Variants in CNTFR observed in about 807,000 individuals in gnomAD.
CNTFR encodes the protein ciliary neurotrophic factor receptor subunit alpha.
A neutral mutation model predicts 40.4 loss-of-function variants in CNTFR; 12 were observed. That is an observed-to-expected ratio of 0.30 (90% CI 0.19 to 0.48). The LOEUF (loss-of-function observed/expected upper bound fraction) is 0.48. Among genes scored for constraint, CNTFR ranks in the 20% least tolerant of loss-of-function variants. The probability of loss-of-function intolerance (pLI) is 0.99; values close to 1 mark genes in which losing one functional copy is unlikely to be tolerated. For synonymous variants in CNTFR, 202 were observed against 209.6 expected (o/e 0.96, Z 0.31); for missense variants, 414 against 506.8 (o/e 0.82, Z 1.76).
intron 2 of CNTFR, among the ~76,000 whole-genome samples, chr9:34,575,509 C>A (rs1163930585): frequency 6.6e-6 from 1 of 152,012 alleles, no homozygotes; most frequent in Non-Finnish European, 1.5e-5. Context: ...TCCGTGGAGA[C>A]AAGGATGGAT....
chr9:34,559,954 T>TCTG (rs1826004101), intron 4 of CNTFR, among the ~76,000 whole-genome samples: 1 of 151,870 alleles, frequency 6.6e-6, no homozygotes, highest in South Asian at 2.1e-4. Flanking sequence ...CTCACGCCAG[T>TCTG]TCCTCTCCCT....
rs551356970 is a variant in CNTFR at position 34,564,079 on chromosome 9, G to C, written c.319+520C>G. Among the ~76,000 whole-genome samples, 15 of 152,246 alleles carry C rather than the reference G, an allele frequency of 9.9e-5. No homozygotes were observed. The South Asian group carries it at 3.1e-3, about 32-fold the overall frequency. On this transcript the variant is annotated intron_variant, in intron 4 of 9. Coordinates refer to ENST00000378980, the MANE Select transcript of CNTFR (RefSeq NM_147164.3). ...TCTGCCAGAAATGATGTTTCAATGC[G>C]TCTTCTAAATCACCGTTCGCTTCCC...
Position 34,552,437 on chromosome 9 carries a change from TC to T in CNTFR, c.950-109del. 8.0e-7 allele frequency: 1 copy of T among 1,251,522 alleles called. No individual in the cohort carries two copies. Among genetic ancestry groups the T allele is most frequent in the Non-Finnish European group, 1.1e-6 (1 of 919,478 alleles). 77.5% of individuals were successfully genotyped at this position (1,251,522 alleles called of 1,614,324 possible). On this transcript the variant is annotated intron_variant, in intron 8 of 9. Transcript: ENST00000378980. The surrounding 1 kb of genome is among the most constrained non-coding windows in gnomAD (Gnocchi z 5.1). ...CTTCCTGCATCAGACTGGTACTGCC[TC>T]CCCCATCAGGCAGATCCTGTTTCCC...
intron 3 of CNTFR, among the ~76,000 whole-genome samples, chr9:34,566,214 G>A (rs1186907385): frequency 6.6e-6 from 1 of 152,036 alleles, no homozygotes; most frequent in Non-Finnish European, 1.5e-5. Context: ...GTCCCGGTTT[G>A]CTGCCTCTGT....
rs914591016 is a variant in CNTFR, at chr9:34,552,270, G to A, written c.1009C>T (p.Pro337Ser). The A allele has an allele frequency of 6.5e-7, 1 of 1,550,054 alleles. No individual in the cohort carries two copies. Among genetic ancestry groups the A allele is most frequent in the South Asian group, 1.2e-5 (1 of 84,326 alleles). Reference protein sequence around the residue: ...APPPTTKICDPGELGSGGGPS... With the variant: ...APPPTTKICDSGELGSGGGPS... Reference sequence around the variant, plus strand: ...CCCCCGCCGCTGCCCAGCTCCCCAGGGTCACAGATCTTCGTGGTAGGTGGG... The same window carrying A: ...CCCCCGCCGCTGCCCAGCTCCCCAGAGTCACAGATCTTCGTGGTAGGTGGG... Residue 337 changes from proline (P) to serine (S), a missense_variant, in exon 9 of 10, where the codon CCT (proline) becomes TCT (serine). Pro to Ser is a moderately conservative substitution (Grantham distance 74). Transcript: ENST00000378980. The surrounding 1 kb of genome is among the most constrained non-coding windows in gnomAD (Gnocchi z 5.1).
At chr9:34,571,725 G>A (rs1386411112) in intron 2 of CNTFR, among the ~76,000 whole-genome samples, 1 of 152,108 alleles carries the variant, frequency 6.6e-6, no homozygotes, top group Non-Finnish European at 1.5e-5. Context: ...AGTGAGTGCT[G>A]CAGAGTGGGG....
In CNTFR at chr9:34,552,234, G is replaced by C; in HGVS notation, c.1045C>G (p.Pro349Ala). Residue 349 changes from proline (P) to alanine (A), a missense_variant, in exon 9 of 10, where the codon CCC becomes GCC. By Grantham distance (27) the Pro-to-Ala change is conservative (BLOSUM62 -1). Around this residue, in one of 3 missense-constraint regions of CNTFR, gnomAD observed 81 missense variants for 92.2 expected, o/e 0.88. Transcript: ENST00000378980. The surrounding 1 kb of genome is among the most constrained non-coding windows in gnomAD (Gnocchi z 5.1). Reference sequence around the variant, plus strand: ...GTGATGGGGACGCTGACCAAGAAGGGTGCCGAGGGTCCCCCGCCGCTGCCC... The same window carrying C: ...GTGATGGGGACGCTGACCAAGAAGGCTGCCGAGGGTCCCCCGCCGCTGCCC... Reference protein sequence around the residue: ...ELGSGGGPSAPFLVSVPITLA... With the variant: ...ELGSGGGPSAAFLVSVPITLA... The C allele has an allele frequency of 6.4e-7, 1 of 1,560,546 alleles. No individual in the cohort carries two copies.
At chr9:34,554,704 A>G (rs1587118114) in intron 7 of CNTFR, among the ~76,000 whole-genome samples, 1 of 152,136 alleles carries the variant, frequency 6.6e-6, no homozygotes, top group East Asian at 1.9e-4. Flanking sequence ...GCAATTCCTG[A>G]TCTGTATTTT....
At chr9:34,590,700 C>A (rs997667191), upstream of CNTFR, among the ~76,000 whole-genome samples, 1 of 152,226 alleles carries the variant, frequency 6.6e-6, no homozygotes, top group African/African-American at 2.4e-5. Flanking sequence ...GCGCACCCCT[C>A]GATAGGAGGC....
intron 2 of CNTFR, among the ~76,000 whole-genome samples, chr9:34,580,446 TAGTTGTGAAGGGTTAGTCCCCCCTC>T (rs1827226316): frequency 6.6e-6 from 1 of 152,176 alleles, no homozygotes; most frequent in Admixed American, 6.5e-5. Flanking sequence ...AACCTGGTCC[TAGTTGTGAAGGGTTAGTCCCCCCTC>T]AGCCCCCAGC....
Position 34,552,421 on chromosome 9 carries a change from T to A in CNTFR, c.950-92A>T. 7.5e-7 allele frequency: 1 copy of A among 1,335,332 alleles called. No homozygotes were observed. Among genetic ancestry groups the A allele is most frequent in the Non-Finnish European group, 1.0e-6 (1 of 989,768 alleles). 82.7% of individuals were successfully genotyped at this position (1,335,332 alleles called of 1,614,324 possible). On this transcript the variant is annotated intron_variant, in intron 8 of 9. Transcript: ENST00000378980. The surrounding 1 kb of genome is among the most constrained non-coding windows in gnomAD (Gnocchi z 5.1). Reference sequence around the variant, plus strand: ...GAGACATACCATTCTGCTTCCTGCATCAGACTGGTACTGCCTCCCCCATCA... The same window carrying A: ...GAGACATACCATTCTGCTTCCTGCAACAGACTGGTACTGCCTCCCCCATCA...
rs1185149275 is a variant in CNTFR at position 34,589,018 on chromosome 9, TGAAGA to T, written c.-112+532_-112+536del. On this transcript the variant is annotated intron_variant, in intron 1 of 9. Coordinates refer to ENST00000378980, the MANE Select transcript of CNTFR (RefSeq NM_147164.3). The surrounding 1 kb of genome is among the most constrained non-coding windows in gnomAD (Gnocchi z 4.4). ...TACATGGAGATACATCCAGGCGGAC[TGAAGA>T]GAAAACCATGGGGACGCCGACCGAC... Among the ~76,000 whole-genome samples, 15 of 152,030 alleles carry T rather than the reference TGAAGA, an allele frequency of 9.9e-5. No homozygotes were observed. Among genetic ancestry groups the T allele is most frequent in the African/African-American group, 3.4e-4 (14 of 41,380 alleles).
intron 4 of CNTFR, among the ~76,000 whole-genome samples, chr9:34,562,804 G>T (rs968045489): frequency 3.9e-5 from 6 of 152,188 alleles, no homozygotes; most frequent in African/African-American, 1.4e-4. Context: ...CTGGATGCCT[G>T]CCCACCTCAC....
chr9:34,557,458 C>T lies in CNTFR; in HGVS notation c.604+68G>A, dbSNP rs764105643. The T allele has an allele frequency of 2.1e-5, 32 of 1,559,400 alleles. No homozygotes were observed. The Admixed American group carries it at 2.3e-4, about 11-fold the overall frequency. On this transcript the variant is annotated intron_variant, in intron 6 of 9. Coordinates refer to ENST00000378980, the MANE Select transcript of CNTFR (RefSeq NM_147164.3). The surrounding 1 kb of genome is among the most constrained non-coding windows in gnomAD (Gnocchi z 4.2). ...ATGTGCATGCATGTGGACATCCCCACCAATGGCACACATCCACTTACATTC... is the reference window on the plus strand; with the variant it reads ...ATGTGCATGCATGTGGACATCCCCATCAATGGCACACATCCACTTACATTC...
In CNTFR at chr9:34,552,047, G is replaced by T; in HGVS notation, c.*24C>A. Reference sequence around the variant, plus strand: ...CCTCCTGCTCCTCTGCAGGTGCTCTGCATGTCCTCATGGGGTGCCGGGCTC... The same window carrying T: ...CCTCCTGCTCCTCTGCAGGTGCTCTTCATGTCCTCATGGGGTGCCGGGCTC... On this transcript the variant is annotated 3_prime_UTR_variant, in exon 10 of 10. Transcript: ENST00000378980. This position sits in a 1 kb window ranked among gnomAD's most constrained non-coding sequence, Gnocchi z 5.1. 7.4e-7 allele frequency: 1 copy of T among 1,349,028 alleles called. No individual in the cohort carries two copies. Among genetic ancestry groups the T allele is most frequent in the Non-Finnish European group, 1.1e-6 (1 of 947,720 alleles). 83.6% of individuals were successfully genotyped at this position (1,349,028 alleles called of 1,614,324 possible).
chr9:34,587,854 C>T (rs1211694791), intron 1 of CNTFR, among the ~76,000 whole-genome samples: 1 of 152,108 alleles, frequency 6.6e-6, no homozygotes, highest in Non-Finnish European at 1.5e-5. Context: ...TGAATCTAAG[C>T]ATGAGCCTAC....
intron 2 of CNTFR, among the ~76,000 whole-genome samples, chr9:34,580,545 T>C (rs1472122661): frequency 6.6e-6 from 1 of 152,236 alleles, no homozygotes; most frequent in Non-Finnish European, 1.5e-5. Context: ...TGTGGGCCTC[T>C]GGCGGGTTTT....
chr9:34,552,704 G>T lies in CNTFR; in HGVS notation c.919C>A (p.Arg307=), dbSNP rs760200796. The T allele has an allele frequency of 6.2e-7, 1 of 1,613,660 alleles. No homozygotes were observed. The highest frequency in any genetic ancestry group is 1.1e-5 in the South Asian group (1 of 91,072). ...AHATPWTEEP[R]HLTTEAQAAE... ...GCCTGGGCCTCCGTGGTGAGGTGTCGCGGTTCCTCAGTCCAGGGCGTAGCG... is the reference window on the plus strand; with the variant it reads ...GCCTGGGCCTCCGTGGTGAGGTGTCTCGGTTCCTCAGTCCAGGGCGTAGCG... Residue 307 remains arginine (R), a synonymous_variant, in exon 8 of 10, where the codon CGA becomes AGA. Transcript: ENST00000378980. The surrounding 1 kb of genome is among the most constrained non-coding windows in gnomAD (Gnocchi z 5.1).
At chr9:34,574,155 G>A (rs1826835781) in intron 2 of CNTFR, among the ~76,000 whole-genome samples, 3 of 152,224 alleles carry the variant, frequency 2.0e-5, no homozygotes, top group South Asian at 2.1e-4. Context: ...GGACCAGGCC[G>A]AGGAGGGAGG....
Sources: gnomAD v4.1 joint callset for allele counts (sites outside exome capture counted in the v4.1 genomes callset) on GRCh38, gnomAD v4.1.1 for gene constraint, gnomAD v4.1.1 regional missense constraint, Gnocchi (gnomAD v3.1) non-coding constraint, MANE v1.5 for transcripts, NCBI Gene and HGNC (gene_info 2026-07-23, HGNC 2026-07-21) for gene names.